The following WFDC1 variants were observed in gnomAD, a reference collection of about 807,000 sequenced individuals.
The protein encoded by WFDC1 is WAP four-disulfide core domain 1, also known as WAP four-disulfide core domain protein 1.
WFDC1 carries 39 observed loss-of-function variants against 32.9 expected under a neutral mutation model. The observed-to-expected ratio is 1.19, with a 90% confidence interval of 0.92 to 1.55. The LOEUF (loss-of-function observed/expected upper bound fraction) is 1.55. WFDC1 is among the 40% of genes most tolerant of loss of function. The pLI, the probability that WFDC1 is intolerant of heterozygous loss-of-function variation, is 0.00. For synonymous variants in WFDC1, 184 were observed against 137.4 expected (o/e 1.34, Z -2.37); for missense variants, 386 against 309.5 (o/e 1.25, Z -1.85).
At chr16:84,298,032 G>C (rs528104556) in intron 1 of WFDC1, among the ~76,000 whole-genome samples, 3 of 152,272 alleles carry the variant, frequency 2.0e-5, no homozygotes, top group Non-Finnish European at 4.4e-5. Flanking sequence ...TGCTGAACTG[G>C]CTTGCACCCC....
At chr16:84,295,201 T>C in intron 1 of WFDC1, 86 bp downstream of exon 1, 1 of 1,527,874 alleles carries the variant, frequency 6.5e-7, no homozygotes, top group Non-Finnish European at 8.9e-7. Context: ...CACTGCCTTC[T>C]CCTGTAAGTG....
At chr16:84,311,892 G>A (rs527533783) in intron 1 of WFDC1, among the ~76,000 whole-genome samples, 34 of 151,998 alleles carry the variant, frequency 2.2e-4, no homozygotes, top group African/African-American at 5.5e-4. Flanking sequence ...CGGGCCAGGC[G>A]CGGTGGCTCA....
intron 1 of WFDC1, among the ~76,000 whole-genome samples, chr16:84,307,032 CG>C (rs1471684944): frequency 6.6e-6 from 1 of 151,712 alleles, no homozygotes; most frequent in Non-Finnish European, 1.5e-5. Context: ...AGGTGAGAGC[CG>C]GGCAGATATG....
In WFDC1 at chr16:84,313,052, A is replaced by G. The variant is rs1907735393; in HGVS notation, c.236A>G (p.Gln79Arg). ...PPRTLPPGACQAARCQADSEC... is the reference protein window; with the variant it reads ...PPRTLPPGACRAARCQADSEC... ...CGGACGCTGCCCCCCGGCGCCTGCCAGGCCGCGCGCTGTCAGGCGGACTCC... is the reference window on the plus strand; with the variant it reads ...CGGACGCTGCCCCCCGGCGCCTGCCGGGCCGCGCGCTGTCAGGCGGACTCC... Residue 79 changes from glutamine (Q) to arginine (R), a missense_variant, in exon 2 of 7, where the codon CAG becomes CGG. Physicochemically the swap from Gln to Arg is conservative, Grantham distance 43. Coordinates refer to ENST00000219454, the MANE Select transcript of WFDC1 (RefSeq NM_021197.4). 2 of 1,385,034 alleles carry G rather than the reference A, an allele frequency of 1.4e-6. No homozygotes were observed. Among genetic ancestry groups the G allele is most frequent in the South Asian group, 3.2e-5 (2 of 62,600 alleles). 85.8% of individuals were successfully genotyped at this position (1,385,034 alleles called of 1,614,324 possible).
At chr16:84,306,769 TTCATCA>T (rs56850546) in intron 1 of WFDC1, among the ~76,000 whole-genome samples, 1 of 151,376 alleles carries the variant, frequency 6.6e-6, no homozygotes, top group Non-Finnish European at 1.5e-5. Context: ...CATCCTCATC[TTCATCA>T]TCATCATCAT....
In WFDC1 at chr16:84,329,554, G is replaced by A. The variant is rs1338024839; in HGVS notation, c.*248G>A. ...ACCATCCTGGGAGCAAGGCCCTGCA[G>A]CTCCACGAGACCTTTACCCCGGGAA... On this transcript the variant is annotated 3_prime_UTR_variant, in exon 7 of 7. Transcript: ENST00000219454. 6.6e-6 allele frequency: 1 copy of A among 152,132 alleles called. No individual in the cohort carries two copies. Among genetic ancestry groups the A allele is most frequent in the Non-Finnish European group, 1.5e-5 (1 of 68,038 alleles). The allele number at this position is 152,132 out of a possible 1,614,324, so 9.4% of individuals were successfully genotyped here.
chr16:84,296,924 G>A (rs931721758), intron 1 of WFDC1: 8 of 152,028 alleles, frequency 5.3e-5, no homozygotes, highest in Non-Finnish European at 1.2e-4. Flanking sequence ...ATTGAGGAGG[G>A]GTGAGAGACT....
chr16:84,326,568 T>C (rs1430612968), intron 5 of WFDC1: 6 of 319,646 alleles, frequency 1.9e-5, no homozygotes, highest in African/African-American at 1.0e-4. Context: ...GAATAAGAAA[T>C]AGTGGGCAGC....
intron 2 of WFDC1, 55 bp downstream of exon 2, chr16:84,313,208 T>C: frequency 9.6e-6 from 13 of 1,347,566 alleles, no homozygotes; most frequent in Non-Finnish European, 1.1e-5. Flanking sequence ...TGAACAGAGC[T>C]GTCCCGGGGG....
chr16:84,325,395 G>T (rs1412172681), intron 5 of WFDC1, among the ~76,000 whole-genome samples: 1 of 152,000 alleles, frequency 6.6e-6, no homozygotes, highest in East Asian at 1.9e-4. Flanking sequence ...TAGAGACGAG[G>T]TTTCACCTTG....
chr16:84,307,551 G>C (rs536785440), intron 1 of WFDC1, among the ~76,000 whole-genome samples: 1 of 152,078 alleles, frequency 6.6e-6, no homozygotes, highest in East Asian at 1.9e-4. Flanking sequence ...TGATCTCTGC[G>C]TACCCTCCCA....
rs1047111863 is a variant in WFDC1, at chr16:84,312,842, A to T, written c.145-119A>T. ...TGGCTCTGCCTGCTTGCTGTTTCTC[A>T]CAAGAGGAAACGCAGGCTCAGAGAG... is the stretch of plus-strand genomic sequence containing the variant. On this transcript the variant is annotated intron_variant, in intron 1 of 6. Transcript: ENST00000219454. The T allele has an allele frequency of 2.4e-5, 13 of 534,562 alleles. 1 individual carries two copies. The Admixed American group carries it at 4.4e-4, about 18-fold the overall frequency. 33.1% of individuals were successfully genotyped at this position (534,562 alleles called of 1,614,324 possible).
chr16:84,326,178 C>G (rs1433940050), intron 5 of WFDC1: 3 of 144,796 alleles, frequency 2.1e-5, no homozygotes, highest in African/African-American at 7.6e-5. Flanking sequence ...TATATCCATG[C>G]ATCCATCCAT....
intron 3 of WFDC1, 144 bp from the exon 4 acceptor site, chr16:84,319,287 G>T: frequency 8.8e-7 from 1 of 1,142,306 alleles, no homozygotes; most frequent in East Asian, 2.5e-5. Context: ...GCCTAGCCTG[G>T]AACCTGGGGT....
At chr16:84,312,559 T>C (rs546242771) in intron 1 of WFDC1, among the ~76,000 whole-genome samples, 2 of 152,246 alleles carry the variant, frequency 1.3e-5, no homozygotes, top group African/African-American at 4.8e-5. Flanking sequence ...CATATGTACA[T>C]ATACATATGT....
At chr16:84,320,059 G>A (rs8055494) in intron 4 of WFDC1, among the ~76,000 whole-genome samples, 8,851 of 152,232 alleles carry the variant, frequency 0.058, 471 homozygotes, top group African/African-American at 0.14. Context: ...TTACGCTGGT[G>A]CAGAAGCAAC....
intron 1 of WFDC1, among the ~76,000 whole-genome samples, chr16:84,297,231 G>C (rs1216210583): frequency 1.3e-5 from 2 of 152,152 alleles, no homozygotes; most frequent in African/African-American, 4.8e-5. Context: ...CAAGTGCTTT[G>C]AATTGGCTCC....
intron 4 of WFDC1, among the ~76,000 whole-genome samples, chr16:84,321,741 C>G (rs1005683200): frequency 6.6e-6 from 1 of 152,212 alleles, no homozygotes; most frequent in Non-Finnish European, 1.5e-5. Context: ...TTAAATTAAG[C>G]TTTGCTGCAA....
chr16:84,308,770 GGTGTAGACGCCATGCTGA>G (rs1907427530), intron 1 of WFDC1, among the ~76,000 whole-genome samples: 1 of 151,808 alleles, frequency 6.6e-6, no homozygotes, highest in African/African-American at 2.4e-5. Flanking sequence ...TGCCAGCCTG[GGTGTAGACGCCATGCTGA>G]GTGTAGACGC....
Sources: gnomAD v4.1 joint callset for allele counts (sites outside exome capture counted in the v4.1 genomes callset) on GRCh38, gnomAD v4.1.1 for gene constraint, MANE v1.5 for transcripts, NCBI Gene and HGNC (gene_info 2026-07-23, HGNC 2026-07-21) for gene names.